The following MIPOL1 variants were observed in gnomAD, a reference collection of about 807,000 sequenced individuals.
The protein encoded by MIPOL1 is mirror-image polydactyly gene 1 protein.
MIPOL1 carries 57 observed loss-of-function variants against 60.9 expected under a neutral mutation model. The observed-to-expected ratio is 0.94, with a 90% CI of 0.76 to 1.17. MIPOL1 has a LOEUF of 1.17. Among genes scored for constraint, MIPOL1 ranks in the 50% most tolerant of loss-of-function variants. The probability of loss-of-function intolerance (pLI) is 0.00; values close to 1 mark genes in which losing one functional copy is unlikely to be tolerated. For missense variants in MIPOL1, 551 were observed against 511.6 expected (o/e 1.08, Z -0.74); for synonymous variants, 179 against 168.8 (o/e 1.06, Z -0.47).
intron 9 of MIPOL1, among the ~76,000 whole-genome samples, chr14:37,363,593 C>T (rs958304204): frequency 1.3e-5 from 2 of 152,196 alleles, no homozygotes; most frequent in Admixed American, 6.5e-5. Context: ...TTGTCAGGGA[C>T]CTACTTGAGG....
intron 11 of MIPOL1, among the ~76,000 whole-genome samples, chr14:37,464,153 C>T (rs1055979652): frequency 1.3e-5 from 2 of 152,092 alleles, no homozygotes; most frequent in Non-Finnish European, 2.9e-5. Flanking sequence ...ATACACTTTT[C>T]GTGGGAATGT....
In MIPOL1 at chr14:37,369,587, A is replaced by G. The variant is rs753465697; in HGVS notation, c.899A>G (p.His300Arg). ...QNQTSANNMRHLTAENNQERA... is the reference protein window; with the variant it reads ...QNQTSANNMRRLTAENNQERA... ...CAGACTTCAGCAAACAACATGAGACATCTGACTGCTGAAAACAATCAAGAA... is the reference window on the plus strand; with the variant it reads ...CAGACTTCAGCAAACAACATGAGACGTCTGACTGCTGAAAACAATCAAGAA... The change falls in exon 10 of 13, where the codon CAT becomes CGT. Residue 300 changes from histidine (H) to arginine (R), a missense_variant. Coordinates refer to ENST00000684589, the MANE Select transcript of MIPOL1 (RefSeq NM_001388067.1). The G allele has an allele frequency of 1.2e-5, 19 of 1,613,254 alleles. No individual in the cohort carries two copies. Among genetic ancestry groups the G allele is most frequent in the East Asian group, 6.7e-5 (3 of 44,854 alleles).
intron 1 of MIPOL1, among the ~76,000 whole-genome samples, chr14:37,200,885 T>C (rs1442673923): frequency 8.4e-5 from 9 of 107,072 alleles, no homozygotes; most frequent in Admixed American, 2.8e-4. Context: ...TGTGTGTGTG[T>C]GTGTGTGTGT....
chr14:37,380,691 T>C (rs1280092421), intron 10 of MIPOL1, among the ~76,000 whole-genome samples: 4 of 152,156 alleles, frequency 2.6e-5, no homozygotes, highest in East Asian at 1.9e-4. Flanking sequence ...GTTTTTCTAA[T>C]TGGGAGTTTC....
At chr14:37,407,729 G>T (rs2093611484) in intron 10 of MIPOL1, among the ~76,000 whole-genome samples, 1 of 151,208 alleles carries the variant, frequency 6.6e-6, no homozygotes, top group African/African-American at 2.4e-5. Flanking sequence ...GCTTAAAAGT[G>T]ATAATATTGG....
At chr14:37,528,307 T>G (rs986799003) in intron 12 of MIPOL1, among the ~76,000 whole-genome samples, 2 of 151,914 alleles carry the variant, frequency 1.3e-5, no homozygotes, top group Admixed American at 6.6e-5. Context: ...AATAAACAAT[T>G]TAAATGGCTT....
intron 11 of MIPOL1, among the ~76,000 whole-genome samples, chr14:37,444,260 A>G (rs180687997): frequency 6.6e-4 from 101 of 152,296 alleles, no homozygotes; most frequent in Non-Finnish European, 1.1e-3. Context: ...TTACATATTG[A>G]TCTGAATTAA....
At chr14:37,367,421 A>T (rs1472164077) in intron 9 of MIPOL1, among the ~76,000 whole-genome samples, 1 of 152,036 alleles carries the variant, frequency 6.6e-6, no homozygotes, top group Non-Finnish European at 1.5e-5. Context: ...GAATGAGTGA[A>T]TTTTTTATGT....
chr14:37,227,848 G>A (rs528139554), intron 1 of MIPOL1: 5 of 152,236 alleles, frequency 3.3e-5, no homozygotes, highest in Admixed American at 3.3e-4. Flanking sequence ...GGTAAGTCCT[G>A]AAATTCGCTT....
chr14:37,256,564 A>G (rs1974948961), intron 3 of MIPOL1, among the ~76,000 whole-genome samples: 2 of 151,972 alleles, frequency 1.3e-5, no homozygotes, highest in Admixed American at 6.6e-5. Context: ...TTAAAGTTAA[A>G]AAAAGTAATG....
chr14:37,386,217 T>C (rs933908644), intron 10 of MIPOL1, among the ~76,000 whole-genome samples: 2 of 152,040 alleles, frequency 1.3e-5, no homozygotes, highest in African/African-American at 4.8e-5. Flanking sequence ...ATTTGAGATG[T>C]TCCTAGCTAT....
chr14:37,411,284 TACACA>T (rs1002321284), intron 10 of MIPOL1, among the ~76,000 whole-genome samples: 1 of 152,152 alleles, frequency 6.6e-6, no homozygotes, highest in African/African-American at 2.4e-5. Flanking sequence ...GCAGTGATGT[TACACA>T]ACACATGATT....
chr14:37,541,172 A>G (rs1012062868), intron 12 of MIPOL1, among the ~76,000 whole-genome samples: 1 of 152,214 alleles, frequency 6.6e-6, no homozygotes, highest in Non-Finnish European at 1.5e-5. Flanking sequence ...CTGAAATCCT[A>G]AGGTCAAAAT....
At chr14:37,373,694 T>C (rs2092701723) in intron 10 of MIPOL1, among the ~76,000 whole-genome samples, 2 of 152,180 alleles carry the variant, frequency 1.3e-5, no homozygotes, top group East Asian at 1.9e-4. Flanking sequence ...ACTTCGTCCA[T>C]GTCCTGCAAA....
chr14:37,481,495 G>A (rs1197394599), intron 11 of MIPOL1, among the ~76,000 whole-genome samples: 2 of 148,204 alleles, frequency 1.3e-5, no homozygotes, highest in Non-Finnish European at 3.0e-5. Context: ...ATAATTATCA[G>A]AATTCTAATG....
intron 12 of MIPOL1, 73 bp downstream of exon 12, chr14:37,500,211 A>C: frequency 9.8e-7 from 1 of 1,019,558 alleles, no homozygotes; most frequent in African/African-American, 1.6e-5. Flanking sequence ...TGGGAACTAA[A>C]CAATATGTAG....
intron 9 of MIPOL1, among the ~76,000 whole-genome samples, chr14:37,334,022 T>C (rs2089931500): frequency 6.6e-6 from 1 of 152,034 alleles, no homozygotes; most frequent in African/African-American, 2.4e-5. Flanking sequence ...AATGAGAAAT[T>C]AACTAGAAAA....
chr14:37,208,800 A>G (rs996745489), intron 1 of MIPOL1, among the ~76,000 whole-genome samples: 2 of 152,270 alleles, frequency 1.3e-5, no homozygotes, highest in South Asian at 2.1e-4. Flanking sequence ...CATGTTGGCC[A>G]GGCTGGTCTC....
chr14:37,489,963 G>T (rs192002809), intron 11 of MIPOL1, among the ~76,000 whole-genome samples: 61 of 152,294 alleles, frequency 4.0e-4, no homozygotes, highest in Non-Finnish European at 7.9e-4. Flanking sequence ...CTGACCCTTA[G>T]CATAGCTTGA....
Sources: gnomAD v4.1 joint callset for allele counts (sites outside exome capture counted in the v4.1 genomes callset) on GRCh38, gnomAD v4.1.1 for gene constraint, MANE v1.5 for transcripts, NCBI Gene and HGNC (gene_info 2026-07-23, HGNC 2026-07-21) for gene names.